SGCZ: variants seen among roughly 807,000 people sequenced by gnomAD.
The protein encoded by SGCZ is sarcoglycan zeta, also known as zeta-sarcoglycan.
In SGCZ, 40 loss-of-function variants were observed where a neutral mutation model predicts 41.3. That is an observed-to-expected ratio of 0.97 (90% CI 0.75 to 1.26). SGCZ has a LOEUF of 1.26. Among genes scored for constraint, SGCZ ranks in the 50% most tolerant of loss-of-function variants. The probability of loss-of-function intolerance (pLI) is 0.00; values close to 1 mark genes in which losing one functional copy is unlikely to be tolerated. For missense variants in SGCZ, 552 were observed against 369.8 expected, an observed-to-expected ratio of 1.49 and a Z score of -4.04; for synonymous variants, 206 against 137.5, an observed-to-expected ratio of 1.50 and a Z score of -3.49.
At chr8:14,493,685 T>C (rs990730746) in intron 2 of SGCZ, among the ~76,000 whole-genome samples, 2 of 151,978 alleles carry the variant, frequency 1.3e-5, no homozygotes, top group Non-Finnish European at 2.9e-5. Context: ...CATATTTATA[T>C]AATCAGCTCT....
intron 1 of SGCZ, among the ~76,000 whole-genome samples, chr8:14,910,238 C>A (rs1799243967): frequency 6.6e-6 from 1 of 151,980 alleles, no homozygotes; most frequent in Non-Finnish European, 1.5e-5. Flanking sequence ...GGATAATTCC[C>A]AGTTGGTTAA....
intron 1 of SGCZ, among the ~76,000 whole-genome samples, chr8:15,054,442 C>T (rs943965833): frequency 6.6e-6 from 1 of 151,916 alleles, no homozygotes; most frequent in African/African-American, 2.4e-5. Context: ...AGGTAAGTAC[C>T]CAGAATTACT....
At chr8:14,123,217 A>T (rs973664385) in intron 5 of SGCZ, among the ~76,000 whole-genome samples, 28 of 152,214 alleles carry the variant, frequency 1.8e-4, no homozygotes, top group African/African-American at 5.8e-4. Flanking sequence ...AAACAGACTG[A>T]TTCTGAAAGT....
rs959290725 is a variant in SGCZ, at chr8:15,211,893, G to T, written c.39+25692C>A. Among the ~76,000 whole-genome samples, 6 of 152,028 alleles carry T rather than the reference G, an allele frequency of 3.9e-5. No individual in the cohort carries two copies. The East Asian group carries it at 1.2e-3, about 29-fold the overall frequency. On this transcript the variant is annotated intron_variant, in intron 1 of 7. Coordinates refer to ENST00000382080, the MANE Select transcript of SGCZ (RefSeq NM_139167.4). ...TTTTTCTGGAAATGTCTTTGATTAG[G>T]GTTCACTTTTGGAATAAGGTTTCTA...
At chr8:14,808,136 T>A (rs1390010297) in intron 1 of SGCZ, among the ~76,000 whole-genome samples, 3 of 151,992 alleles carry the variant, frequency 2.0e-5, no homozygotes, top group Non-Finnish European at 4.4e-5. Flanking sequence ...CCCTAGAAGA[T>A]AACCTAGGTA....
intron 3 of SGCZ, among the ~76,000 whole-genome samples, chr8:14,286,550 T>G (rs6980964): frequency 0.21 from 32,446 of 152,040 alleles, 3,658 homozygotes; most frequent in East Asian, 0.3. Context: ...GTAGTTTATA[T>G]CTAACAATAT....
intron 3 of SGCZ, among the ~76,000 whole-genome samples, chr8:14,247,479 C>G (rs1369125956): frequency 6.6e-6 from 1 of 152,168 alleles, no homozygotes; most frequent in East Asian, 1.9e-4. Flanking sequence ...TCCAACTCCA[C>G]CTTTAGCCAT....
intron 1 of SGCZ, among the ~76,000 whole-genome samples, chr8:14,968,591 A>G (rs1024383897): frequency 3.9e-5 from 6 of 152,268 alleles, no homozygotes; most frequent in African/African-American, 1.4e-4. Flanking sequence ...GGGACTCAGT[A>G]CTGTAGATGA....
chr8:14,611,914 T>G (rs1805942176), intron 1 of SGCZ, among the ~76,000 whole-genome samples: 1 of 152,222 alleles, frequency 6.6e-6, no homozygotes, highest in Non-Finnish European at 1.5e-5. Context: ...CTATTTGCAC[T>G]GTGTAAAATA....
At chr8:15,184,556 A>T (rs1467590831) in intron 1 of SGCZ, among the ~76,000 whole-genome samples, 2 of 151,584 alleles carry the variant, frequency 1.3e-5, no homozygotes, top group Non-Finnish European at 2.9e-5. Flanking sequence ...ACTGGTCCCG[A>T]AGGATTTCAT....
rs897367877 is a variant in SGCZ at position 14,417,020 on chromosome 8, C to G, written c.235-92816G>C. Among the ~76,000 whole-genome samples, 7 of 151,654 alleles carry G rather than the reference C, an allele frequency of 4.6e-5. 1 individual carries two copies. The Admixed American group carries it at 4.6e-4, about 10-fold the overall frequency. Reference sequence around the variant, plus strand: ...AAATTGTTATCTTTGATACTTCTTCCCAGGATCAAGCAGGCTCTTTGAAAT... The same window carrying G: ...AAATTGTTATCTTTGATACTTCTTCGCAGGATCAAGCAGGCTCTTTGAAAT... On this transcript the variant is annotated intron_variant, in intron 2 of 7. Coordinates refer to ENST00000382080, the MANE Select transcript of SGCZ (RefSeq NM_139167.4).
At chr8:14,857,947 A>G (rs1024922887) in intron 1 of SGCZ, among the ~76,000 whole-genome samples, 3 of 152,160 alleles carry the variant, frequency 2.0e-5, no homozygotes, top group Admixed American at 1.3e-4. Flanking sequence ...ATCTTTTGGA[A>G]TGGGCAAGAT....
At chr8:14,750,469 A>G (rs1426047902) in intron 1 of SGCZ, among the ~76,000 whole-genome samples, 2 of 152,188 alleles carry the variant, frequency 1.3e-5, no homozygotes, top group Non-Finnish European at 2.9e-5. Context: ...GAAAAATCTA[A>G]GAGTTTTCTA....
chr8:14,790,091 T>C (rs1800899472), intron 1 of SGCZ, among the ~76,000 whole-genome samples: 2 of 152,192 alleles, frequency 1.3e-5, no homozygotes, highest in South Asian at 2.1e-4. Context: ...TTTATTTACA[T>C]AATCAAGACA....
At chr8:14,368,140 G>A (rs902191724) in intron 2 of SGCZ, among the ~76,000 whole-genome samples, 6 of 152,046 alleles carry the variant, frequency 3.9e-5, no homozygotes, top group East Asian at 1.9e-4. Flanking sequence ...ACATGAGTGT[G>A]CTTCTAAATG....
chr8:14,641,376 T>C (rs540470669), intron 1 of SGCZ, among the ~76,000 whole-genome samples: 1 of 151,886 alleles, frequency 6.6e-6, no homozygotes, highest in Non-Finnish European at 1.5e-5. Context: ...TAAAGTATTT[T>C]AATAAATGTT....
chr8:14,506,092 C>G (rs1485471880), intron 2 of SGCZ, among the ~76,000 whole-genome samples: 1 of 151,900 alleles, frequency 6.6e-6, no homozygotes, highest in Non-Finnish European at 1.5e-5. Flanking sequence ...AATCCCAGCA[C>G]TTTGGGAGGC....
chr8:14,803,619 G>C (rs961079354), intron 1 of SGCZ, among the ~76,000 whole-genome samples: 2 of 152,126 alleles, frequency 1.3e-5, no homozygotes, highest in African/African-American at 2.4e-5. Flanking sequence ...AGCAGTCTGA[G>C]ATCAAACTGC....
chr8:15,156,403 T>C (rs948319576), intron 1 of SGCZ, among the ~76,000 whole-genome samples: 2 of 152,160 alleles, frequency 1.3e-5, no homozygotes, highest in Admixed American at 1.3e-4. Flanking sequence ...TAAGAGAACT[T>C]GCCAATCGTG....
Sources: allele counts gnomAD v4.1 joint callset (sites outside exome capture counted in the v4.1 genomes callset), GRCh38; gene constraint gnomAD v4.1.1; transcripts MANE v1.5; gene names NCBI Gene and HGNC (gene_info 2026-07-23, HGNC 2026-07-21).